The following DNM2 variants were observed in gnomAD, a reference collection of about 807,000 sequenced individuals.
The protein encoded by DNM2 is dynamin 2, also known as dynamin-2.
In DNM2, 15 loss-of-function variants were observed where a neutral mutation model predicts 99.0. The ratio of observed to expected loss-of-function variants is 0.15; its 90% CI spans 0.10 to 0.23. The LOEUF (loss-of-function observed/expected upper bound fraction) is 0.23. Ranked by LOEUF, DNM2 falls within the 10% of genes least tolerant of loss-of-function variation. The pLI is 1.00. For missense variants in DNM2, 742 were observed against 1,189.4 expected, an observed-to-expected ratio of 0.62 and a Z score of 5.53; for synonymous variants, 525 against 481.2, an observed-to-expected ratio of 1.09 and a Z score of -1.19.
intron 7 of DNM2, among the ~76,000 whole-genome samples, chr19:10,790,328 C>G (rs925169896): frequency 6.6e-6 from 1 of 151,706 alleles, no homozygotes; most frequent in Non-Finnish European, 1.5e-5. Flanking sequence ...TGGCCTTAAC[C>G]GATGCTTGTA....
chr19:10,730,908 C>T (rs12459870), intron 1 of DNM2, among the ~76,000 whole-genome samples: 8,551 of 152,248 alleles, frequency 0.056, 605 homozygotes, highest in East Asian at 0.33. Flanking sequence ...TAAATCTGAA[C>T]ACGCTCCCAT....
chr19:10,791,130 C>A (rs944701496), intron 7 of DNM2, among the ~76,000 whole-genome samples: 3 of 151,792 alleles, frequency 2.0e-5, no homozygotes, highest in Admixed American at 2.0e-4. Flanking sequence ...GTTCTGTTGC[C>A]CAGGCTGGAG....
In DNM2 at chr19:10,772,406, AT is replaced by A. The variant is rs892071556; in HGVS notation, c.236-70del. On this transcript the variant is annotated intron_variant, in intron 2 of 20. Transcript: ENST00000389253. The surrounding 1 kb of genome is among the most constrained non-coding windows in gnomAD (Gnocchi z 4.9). ...GGTCATTACTTTCATTCAACAAAGC[AT>A]TTCTCCCCGCAGTCCATGCGCACCC... is the stretch of plus-strand genomic sequence containing the variant. The A allele has an allele frequency of 1.9e-6, 3 of 1,595,182 alleles. No homozygotes were observed. Among genetic ancestry groups the A allele is most frequent in the African/African-American group, 2.7e-5 (2 of 74,556 alleles).
intron 2 of DNM2, 141 bp downstream of exon 2, chr19:10,759,952 T>TTGAGGAAAA: frequency 8.2e-7 from 1 of 1,213,550 alleles, no homozygotes; most frequent in Non-Finnish European, 1.2e-6. Context: ...TGTGAGGAAA[T>TTGAGGAAAA]TGAAAAACGG....
rs542631620 is a variant in DNM2 at position 10,831,722 on chromosome 19, G to A, written c.*675G>A. On this transcript the variant is annotated 3_prime_UTR_variant, in exon 21 of 21. Coordinates refer to ENST00000389253, the MANE Select transcript of DNM2 (RefSeq NM_001005361.3). This position sits in a 1 kb window ranked among gnomAD's most constrained non-coding sequence, Gnocchi z 4.3. ...AGGGTGGCTGGGCTTGGGCTATGTG[G>A]GTGGTGGTGGCGGGGGGTCTTGGGG... The A allele has an allele frequency of 3.0e-4, 300 of 986,458 alleles. No homozygotes were observed. Among genetic ancestry groups the A allele is most frequent in the Non-Finnish European group, 3.5e-4 (287 of 830,478 alleles). The allele number at this position is 986,458 out of a possible 1,614,324, so 61.1% of individuals were successfully genotyped here.
rs2145875919 is a variant in DNM2, at chr19:10,764,396, G to A, written c.235+4585G>A. On this transcript the variant is annotated intron_variant, in intron 2 of 20. Transcript: ENST00000389253. This position sits in a 1 kb window ranked among gnomAD's most constrained non-coding sequence, Gnocchi z 4.1. ...GTTCCCGCAGCTTGCCCTCATTCCA[G>A]CCATCCCCAGTGAACCATAACTTCC... Among the ~76,000 whole-genome samples the A allele has an allele frequency of 6.6e-6, 1 of 152,306 alleles. No individual in the cohort carries two copies. The highest frequency in any genetic ancestry group is 2.1e-4 in the South Asian group (1 of 4,830).
At chr19:10,797,574 T>C (rs570169506) in intron 10 of DNM2, 56 bp downstream of exon 10, 1 of 1,611,294 alleles carries the variant, frequency 6.2e-7, no homozygotes, top group East Asian at 2.2e-5. Flanking sequence ...CTCCATGTGT[T>C]AGTCTCAACC....
chr19:10,781,414 A>G (rs949631592), intron 5 of DNM2: 4 of 152,160 alleles, frequency 2.6e-5, no homozygotes, highest in Non-Finnish European at 4.4e-5. Flanking sequence ...CACATCCCAC[A>G]AGACCCTACA....
At chr19:10,733,560 A>G (rs1306453303) in intron 1 of DNM2, among the ~76,000 whole-genome samples, 2 of 152,184 alleles carry the variant, frequency 1.3e-5, no homozygotes, top group East Asian at 3.8e-4. Context: ...AAGATAACAC[A>G]GAGAGCTCCT....
Position 10,816,592 on chromosome 19 carries a change from C to T in DNM2, c.1672-3388C>T, listed in dbSNP as rs2072749357. ...TGGGGTGGGGTAGGGTGCCCTTTCT[C>T]TTTTTCTCCCCTCTTTCCGCCTTGC... On this transcript the variant is annotated intron_variant, in intron 15 of 20. Coordinates refer to ENST00000389253, the MANE Select transcript of DNM2 (RefSeq NM_001005361.3). This position sits in a 1 kb window ranked among gnomAD's most constrained non-coding sequence, Gnocchi z 4.6. 6.6e-6 allele frequency among the ~76,000 whole-genome samples: 1 copy of T among 152,122 alleles called. No individual in the cohort carries two copies. Among genetic ancestry groups the T allele is most frequent in the Non-Finnish European group, 1.5e-5 (1 of 68,014 alleles).
intron 17 of DNM2, chr19:10,824,844 C>T: frequency 1.5e-6 from 1 of 669,948 alleles, no homozygotes; most frequent in Non-Finnish European, 2.6e-6. Flanking sequence ...TTCCAATGCC[C>T]AGGTGAGGGG....
intron 7 of DNM2, among the ~76,000 whole-genome samples, chr19:10,793,249 C>T (rs2071815784): frequency 6.6e-6 from 1 of 152,178 alleles, no homozygotes; most frequent in Non-Finnish European, 1.5e-5. Context: ...GATGAGGAAT[C>T]GGAGGCTCAG....
chr19:10,773,014 C>G (rs1210418516), intron 3 of DNM2, among the ~76,000 whole-genome samples: 1 of 140,180 alleles, frequency 7.1e-6, no homozygotes, highest in Non-Finnish European at 1.5e-5. Context: ...GAGTCTTGCT[C>G]TGTTGCCCAG....
chr19:10,772,749 T>C lies in DNM2; in HGVS notation c.385+121T>C. The C allele has an allele frequency of 7.0e-7, 1 of 1,430,740 alleles. No homozygotes were observed. Among genetic ancestry groups the C allele is most frequent in the Non-Finnish European group, 9.6e-7 (1 of 1,042,098 alleles). The allele number at this position is 1,430,740 out of a possible 1,614,324, so 88.6% of individuals were successfully genotyped here. ...TGTGCCCATTCACAAACAGTTGATATTCACACACACATAGCCCCTTGATCT... is the reference window on the plus strand; with the variant it reads ...TGTGCCCATTCACAAACAGTTGATACTCACACACACATAGCCCCTTGATCT... On this transcript the variant is annotated intron_variant, in intron 3 of 20. Coordinates refer to ENST00000389253, the MANE Select transcript of DNM2 (RefSeq NM_001005361.3). This position sits in a 1 kb window ranked among gnomAD's most constrained non-coding sequence, Gnocchi z 4.9.
rs576721597 is a variant in DNM2 at position 10,760,335 on chromosome 19, C to T, written c.235+524C>T. Among the ~76,000 whole-genome samples, 178 of 152,132 alleles carry T rather than the reference C, an allele frequency of 1.2e-3. 5 individuals are homozygous for T. In the South Asian group the frequency reaches 0.035, roughly 30 times the overall value. On this transcript the variant is annotated intron_variant, in intron 2 of 20. Coordinates refer to ENST00000389253, the MANE Select transcript of DNM2 (RefSeq NM_001005361.3). Reference sequence around the variant, plus strand: ...GGATTACGGGCATGAGCCACCACACCGGCCCCATGTGTGCTTTTCATGTGT... The same window carrying T: ...GGATTACGGGCATGAGCCACCACACTGGCCCCATGTGTGCTTTTCATGTGT...
intron 1 of DNM2, among the ~76,000 whole-genome samples, chr19:10,742,183 C>T (rs1286828850): frequency 6.6e-6 from 1 of 152,050 alleles, no homozygotes; most frequent in Non-Finnish European, 1.5e-5. Context: ...TGGGGGTCCG[C>T]AGGCTTGTGT....
Position 10,772,731 on chromosome 19 carries a change from A to T in DNM2, c.385+103A>T. Reference sequence around the variant, plus strand: ...TTCCACTCATGGGTATCATGTGCCCATTCACAAACAGTTGATATTCACACA... The same window carrying T: ...TTCCACTCATGGGTATCATGTGCCCTTTCACAAACAGTTGATATTCACACA... On this transcript the variant is annotated intron_variant, in intron 3 of 20. Coordinates refer to ENST00000389253, the MANE Select transcript of DNM2 (RefSeq NM_001005361.3). This position sits in a 1 kb window ranked among gnomAD's most constrained non-coding sequence, Gnocchi z 4.9. 9 of 1,537,910 alleles carry T rather than the reference A, an allele frequency of 5.9e-6. No homozygotes were observed. The highest frequency in any genetic ancestry group is 8.0e-6 in the Non-Finnish European group (9 of 1,130,278).
chr19:10,781,707 C>T (rs2071382282), intron 5 of DNM2: 1 of 152,176 alleles, frequency 6.6e-6, no homozygotes, highest in African/African-American at 2.4e-5. Context: ...TGAGGTTGCA[C>T]CACTGCACTT....
chr19:10,751,949 G>A (rs536090052), intron 1 of DNM2, among the ~76,000 whole-genome samples: 7 of 152,378 alleles, frequency 4.6e-5, no homozygotes, highest in East Asian at 3.9e-4. Context: ...AAAGGGACAC[G>A]AGAGCCTTTA....
Sources: gnomAD v4.1 joint callset for allele counts (sites outside exome capture counted in the v4.1 genomes callset) on GRCh38, gnomAD v4.1.1 for gene constraint, Gnocchi (gnomAD v3.1) non-coding constraint, MANE v1.5 for transcripts, NCBI Gene and HGNC (gene_info 2026-07-23, HGNC 2026-07-21) for gene names.